Variants in UCK2 observed in about 807,000 individuals in gnomAD.
UCK2 encodes the protein cytidine monophosphokinase 2.
Under a neutral mutation model 30.8 loss-of-function variants are expected in UCK2, and 6 were observed. That is an observed-to-expected ratio of 0.19 (90% CI 0.11 to 0.38). The LOEUF is 0.38. Among genes scored for constraint, UCK2 ranks in the 10% least tolerant of loss-of-function variants. The pLI is 1.00. For missense variants in UCK2, 210 were observed against 339.8 expected (o/e 0.62, Z 3.00); for synonymous variants, 125 against 133.6 (o/e 0.94, Z 0.45).
chr1:165,879,566 A>ATTATTATTATTATTG (rs1442474623), intron 1 of UCK2, among the ~76,000 whole-genome samples: 1 of 150,728 alleles, frequency 6.6e-6, no homozygotes, highest in African/African-American at 2.4e-5. Context: ...TATTATTATT[A>ATTATTATTATTATTG]TTATTTTGTC....
At chr1:165,905,497 A>T (rs1043548389) in intron 5 of UCK2, among the ~76,000 whole-genome samples, 2 of 151,942 alleles carry the variant, frequency 1.3e-5, no homozygotes, top group Non-Finnish European at 1.5e-5. Flanking sequence ...AAAAAAAGAG[A>T]GAGTGAGAGA....
chr1:165,906,329 C>T (rs1298514348), intron 6 of UCK2, among the ~76,000 whole-genome samples: 1 of 152,216 alleles, frequency 6.6e-6, no homozygotes, highest in Non-Finnish European at 1.5e-5. Context: ...CCTGCCATCA[C>T]GGTAGCCCTT....
At chr1:165,900,605 A>G (rs539885156) in intron 4 of UCK2, 73 of 152,366 alleles carry the variant, frequency 4.8e-4, no homozygotes, top group African/African-American at 1.7e-3. Flanking sequence ...TCCAGTGACA[A>G]AACAGCTGAA....
intron 1 of UCK2, among the ~76,000 whole-genome samples, chr1:165,835,267 C>T (rs1187735925): frequency 3.4e-5 from 5 of 146,932 alleles, no homozygotes; most frequent in South Asian, 2.1e-4. Flanking sequence ...TATTCATAAC[C>T]GCTAAGAGAA....
At chr1:165,880,261 A>G (rs1399930465) in intron 1 of UCK2, among the ~76,000 whole-genome samples, 1 of 152,188 alleles carries the variant, frequency 6.6e-6, no homozygotes, top group African/African-American at 2.4e-5. Context: ...TCTTTCTTTC[A>G]GTCCATAATT....
At chr1:165,901,839 G>T (rs925860264) in intron 4 of UCK2, among the ~76,000 whole-genome samples, 1 of 150,914 alleles carries the variant, frequency 6.6e-6, no homozygotes, top group Non-Finnish European at 1.5e-5. Flanking sequence ...AATAAAGAGT[G>T]TATGGGCTGC....
intron 1 of UCK2, among the ~76,000 whole-genome samples, chr1:165,871,224 G>C (rs1012801711): frequency 1.2e-4 from 18 of 152,168 alleles, no homozygotes; most frequent in Admixed American, 9.8e-4. Context: ...AAAAAAACAG[G>C]ATTTCATACT....
At chr1:165,857,118 G>T (rs2101862232) in intron 1 of UCK2, among the ~76,000 whole-genome samples, 1 of 152,138 alleles carries the variant, frequency 6.6e-6, no homozygotes. Context: ...GGGGTAGATG[G>T]TATTATTCAC....
At chr1:165,878,335 CT>C (rs35804765) in intron 1 of UCK2, among the ~76,000 whole-genome samples, 54,101 of 143,680 alleles carry the variant, frequency 0.38, 9,695 homozygotes, top group Non-Finnish European at 0.44. Flanking sequence ...TTCTTTCTTT[CT>C]TTTTTTTTTT....
At chr1:165,851,794 C>G (rs79487947) in intron 1 of UCK2, among the ~76,000 whole-genome samples, 2,615 of 152,250 alleles carry the variant, frequency 0.017, 77 homozygotes, top group African/African-American at 0.059. Flanking sequence ...TCTCTGTGTC[C>G]ATGGGTTCTC....
At chr1:165,836,736 T>G (rs1654203589) in intron 1 of UCK2, among the ~76,000 whole-genome samples, 1 of 152,240 alleles carries the variant, frequency 6.6e-6, no homozygotes, top group African/African-American at 2.4e-5. Context: ...AAAGTATGCT[T>G]GCTTTCATGT....
chr1:165,897,788 A>G (rs1358051593), intron 4 of UCK2, among the ~76,000 whole-genome samples: 1 of 152,198 alleles, frequency 6.6e-6, no homozygotes, highest in Non-Finnish European at 1.5e-5. Context: ...TACATATGCT[A>G]TTAAGTCAGT....
chr1:165,863,941 A>T (rs575029215), intron 1 of UCK2, among the ~76,000 whole-genome samples: 1 of 152,204 alleles, frequency 6.6e-6, no homozygotes, highest in African/African-American at 2.4e-5. Context: ...ATAAAAAGTC[A>T]TGTAGTTTTT....
In UCK2 at chr1:165,850,292, G is replaced by A. The variant is rs190630051; in HGVS notation, c.99+22360G>A. 2.4e-4 allele frequency among the ~76,000 whole-genome samples: 36 copies of A among 151,574 alleles called. No individual in the cohort carries two copies. The East Asian group carries it at 5.1e-3, about 21-fold the overall frequency. ...ATTACAGGCATGCCCAACCACGCCCGGCTAATTTTGTATTTTTAGTAGAGA... is the reference window on the plus strand; with the variant it reads ...ATTACAGGCATGCCCAACCACGCCCAGCTAATTTTGTATTTTTAGTAGAGA... On this transcript the variant is annotated intron_variant, in intron 1 of 6. Coordinates refer to ENST00000367879, the MANE Select transcript of UCK2 (RefSeq NM_012474.5).
At chr1:165,881,936 C>CT (rs532590029) in intron 1 of UCK2, among the ~76,000 whole-genome samples, 2 of 152,220 alleles carry the variant, frequency 1.3e-5, no homozygotes, top group Admixed American at 6.5e-5. Flanking sequence ...CAGACGCAGT[C>CT]TAACATCTGC....
chr1:165,862,476 T>C (rs1298826452), intron 1 of UCK2, among the ~76,000 whole-genome samples: 1 of 152,216 alleles, frequency 6.6e-6, no homozygotes, highest in Non-Finnish European at 1.5e-5. Flanking sequence ...TTAGCAGTGT[T>C]TCACAGCCCG....
intron 1 of UCK2, among the ~76,000 whole-genome samples, chr1:165,834,757 G>A (rs2101848405): frequency 6.6e-6 from 1 of 151,734 alleles, no homozygotes; most frequent in African/African-American, 2.4e-5. Context: ...GTTTTTACTT[G>A]GTTTCTCCCT....
intron 1 of UCK2, among the ~76,000 whole-genome samples, chr1:165,886,226 A>G (rs1033356341): frequency 3.3e-5 from 5 of 152,206 alleles, no homozygotes; most frequent in East Asian, 1.9e-4. Context: ...TTAGATTTCT[A>G]TAGGCTCAGG....
intron 1 of UCK2, among the ~76,000 whole-genome samples, chr1:165,882,902 G>A (rs1386585395): frequency 6.6e-6 from 1 of 152,032 alleles, no homozygotes; most frequent in African/African-American, 2.4e-5. Flanking sequence ...TCAGCTCACT[G>A]TAACCTCTGC....
Sources: allele counts gnomAD v4.1 joint callset (sites outside exome capture counted in the v4.1 genomes callset), GRCh38; gene constraint gnomAD v4.1.1; transcripts MANE v1.5; gene names NCBI Gene and HGNC (gene_info 2026-07-23, HGNC 2026-07-21).